The following PTPN5 variants were observed in gnomAD, a reference collection of about 807,000 sequenced individuals.
PTPN5 encodes the protein protein tyrosine phosphatase non-receptor type 5.
A neutral mutation model predicts 73.9 loss-of-function variants in PTPN5; 29 were observed. The observed-to-expected ratio is 0.39, with a 90% CI of 0.29 to 0.54. The LOEUF (loss-of-function observed/expected upper bound fraction) is 0.54. Among genes scored for constraint, PTPN5 ranks in the 20% least tolerant of loss-of-function variants. The probability of loss-of-function intolerance (pLI) is 0.65; values close to 1 mark genes in which losing one functional copy is unlikely to be tolerated. For synonymous variants in PTPN5, 267 were observed against 304.7 expected, an observed-to-expected ratio of 0.88 and a Z score of 1.29; for missense variants, 652 against 751.4, an observed-to-expected ratio of 0.87 and a Z score of 1.55.
At chr11:18,738,179 G>A (rs563184518) in intron 8 of PTPN5, among the ~76,000 whole-genome samples, 163 of 152,318 alleles carry the variant, frequency 1.1e-3, no homozygotes, top group Admixed American at 2.1e-3. Context: ...AATGACTATT[G>A]TTTATGGAGA....
chr11:18,765,755 A>T, intron 3 of PTPN5, 52 bp downstream of exon 3: 2 of 1,276,882 alleles, frequency 1.6e-6, no homozygotes, highest in Non-Finnish European at 2.2e-6. Flanking sequence ...CAGCCGGGGC[A>T]TTGTCTCTCC....
intron 3 of PTPN5, among the ~76,000 whole-genome samples, chr11:18,761,550 G>A (rs1417189807): frequency 6.6e-6 from 1 of 152,164 alleles, no homozygotes; most frequent in African/African-American, 2.4e-5. Flanking sequence ...GTGTGTGCAT[G>A]AGGGAGAAGA....
intron 1 of PTPN5, among the ~76,000 whole-genome samples, chr11:18,784,940 G>A (rs900437896): frequency 2.6e-5 from 4 of 152,150 alleles, no homozygotes; most frequent in Admixed American, 2.6e-4. Flanking sequence ...TGCAACCTCT[G>A]CCTCCTGGGT....
At chr11:18,758,973 C>T (rs900097144) in intron 3 of PTPN5, among the ~76,000 whole-genome samples, 1 of 152,078 alleles carries the variant, frequency 6.6e-6, no homozygotes, top group African/African-American at 2.4e-5. Flanking sequence ...ATCATTCTCC[C>T]CACCAACCCT....
chr11:18,782,235 T>TC (rs1851468348), intron 1 of PTPN5, among the ~76,000 whole-genome samples: 1 of 152,088 alleles, frequency 6.6e-6, no homozygotes, highest in African/African-American at 2.4e-5. Context: ...CTATGTCTTT[T>TC]TTTTTTTTTG....
intron 9 of PTPN5, among the ~76,000 whole-genome samples, chr11:18,736,211 G>C (rs1564889880): frequency 6.6e-6 from 1 of 152,228 alleles, no homozygotes; most frequent in African/African-American, 2.4e-5. Flanking sequence ...CGAAGCAGGC[G>C]AGGACAGCTT....
chr11:18,760,563 G>A (rs1253247117), intron 3 of PTPN5, among the ~76,000 whole-genome samples: 3 of 152,166 alleles, frequency 2.0e-5, no homozygotes, highest in African/African-American at 7.2e-5. Context: ...CAGCCCAAGA[G>A]GCCAGTTGTT....
chr11:18,764,972 A>G (rs923949925), intron 3 of PTPN5, among the ~76,000 whole-genome samples: 4 of 152,166 alleles, frequency 2.6e-5, no homozygotes, highest in Admixed American at 6.5e-5. Context: ...TTGGCCTCCC[A>G]AAGTGCTGGG....
chr11:18,754,199 G>A (rs565227769), intron 3 of PTPN5, among the ~76,000 whole-genome samples: 1 of 152,242 alleles, frequency 6.6e-6, no homozygotes, highest in Non-Finnish European at 1.5e-5. Flanking sequence ...CAAAACCACC[G>A]AGTTGGAAGT....
At chr11:18,782,206 C>T (rs181345792) in intron 1 of PTPN5, among the ~76,000 whole-genome samples, 15 of 151,790 alleles carry the variant, frequency 9.9e-5, no homozygotes, top group South Asian at 2.1e-4. Context: ...AACGTGACAA[C>T]GTGGATGGAT....
chr11:18,755,393 T>C (rs1850084350), intron 3 of PTPN5, among the ~76,000 whole-genome samples: 1 of 152,208 alleles, frequency 6.6e-6, no homozygotes, highest in Admixed American at 6.5e-5. Flanking sequence ...GGATAAGGAA[T>C]GTTGTTTTAA....
rs1390904513 is a variant in PTPN5 at position 18,729,596 on chromosome 11, G to A, written c.1491-30C>T. The A allele has an allele frequency of 2.5e-6, 4 of 1,570,590 alleles. No homozygotes were observed. Among genetic ancestry groups the A allele is most frequent in the Non-Finnish European group, 3.5e-6 (4 of 1,155,202 alleles). On this transcript the variant is annotated intron_variant, in intron 13 of 14. Coordinates refer to ENST00000358540, the MANE Select transcript of PTPN5 (RefSeq NM_006906.2). The surrounding 1 kb of genome is among the most constrained non-coding windows in gnomAD (Gnocchi z 5.2). ...GGGCCGAGGGGACCGGTGGGGTGAG[G>A]GGCAGGGCAGCCCAGCGGGTGGGGG...
In PTPN5 at chr11:18,733,556, C is replaced by G; in HGVS notation, c.1080G>C (p.Arg360=). 5 of 1,614,148 alleles carry G rather than the reference C, an allele frequency of 3.1e-6. No homozygotes were observed. Among genetic ancestry groups the G allele is most frequent in the Non-Finnish European group, 4.2e-6 (5 of 1,180,002 alleles). The change falls in exon 10 of 15, where the codon CGG becomes CGC. Residue 360 remains arginine (R), a splice_region_variant and synonymous_variant. Coordinates refer to ENST00000358540, the MANE Select transcript of PTPN5 (RefSeq NM_006906.2). This position sits in a 1 kb window ranked among gnomAD's most constrained non-coding sequence, Gnocchi z 4.3. The part of the protein sequence containing the change: ...LSSYINANYI[R]GYGGEEKVYI... ...AGGCCGTCAGGGTGGGAATACGTAC[C>G]CGGATGTAGTTGGCATTGATGTAGG...
At chr11:18,743,455 T>A in intron 4 of PTPN5, 26 bp from the exon 5 acceptor site, 2 of 1,601,814 alleles carry the variant, frequency 1.2e-6, no homozygotes, top group Non-Finnish European at 1.7e-6. Context: ...GCAGGCTGAG[T>A]ATGGAGCCGG....
chr11:18,782,697 T>C (rs538869117), intron 1 of PTPN5, among the ~76,000 whole-genome samples: 30 of 152,348 alleles, frequency 2.0e-4, no homozygotes, highest in South Asian at 8.3e-4. Flanking sequence ...GTGATGGTTA[T>C]ATGAGCTCAT....
intron 1 of PTPN5, among the ~76,000 whole-genome samples, chr11:18,778,820 G>GC (rs1001181869): frequency 6.6e-6 from 1 of 152,154 alleles, no homozygotes; most frequent in African/African-American, 2.4e-5. Flanking sequence ...TTATAGCAAT[G>GC]CAAGAACAGT....
At chr11:18,785,671 A>G (rs1214785545) in intron 1 of PTPN5, among the ~76,000 whole-genome samples, 1 of 152,158 alleles carries the variant, frequency 6.6e-6, no homozygotes, top group Non-Finnish European at 1.5e-5. Flanking sequence ...GAGGCCCACA[A>G]ATCCCTCCCG....
At chr11:18,784,369 C>T (rs1350788191) in intron 1 of PTPN5, among the ~76,000 whole-genome samples, 1 of 151,798 alleles carries the variant, frequency 6.6e-6, no homozygotes, top group South Asian at 2.1e-4. Context: ...CCCTTGAAAA[C>T]ATTAGGCTAA....
In PTPN5 at chr11:18,729,668, C is replaced by A; in HGVS notation, c.1480G>T (p.Val494Phe). The part of the protein sequence containing the change: ...QEGPHCAPII[V>F]HCSAGIGRTG... Reference sequence around the variant, plus strand: ...GCTGGGAGGACCCACCTGCAGTGGACGATGATGGGGGCACAGTGGGGCCCC... The same window carrying A: ...GCTGGGAGGACCCACCTGCAGTGGAAGATGATGGGGGCACAGTGGGGCCCC... Residue 494 changes from valine to phenylalanine, a missense_variant, in exon 13 of 15, where the codon GTC becomes TTC. By Grantham distance (50) the Val-to-Phe change is conservative. Around this residue, in one of 3 missense-constraint regions of PTPN5, gnomAD observed 102 missense variants for 160.5 expected, o/e 0.64. Coordinates refer to ENST00000358540, the MANE Select transcript of PTPN5 (RefSeq NM_006906.2). The surrounding 1 kb of genome is among the most constrained non-coding windows in gnomAD (Gnocchi z 5.2). 6.4e-7 allele frequency: 1 copy of A among 1,572,942 alleles called. No homozygotes were observed. The highest frequency in any genetic ancestry group is 8.6e-7 in the Non-Finnish European group (1 of 1,160,014).
Sources: allele counts gnomAD v4.1 joint callset (sites outside exome capture counted in the v4.1 genomes callset), GRCh38; gene constraint gnomAD v4.1.1; regional missense constraint gnomAD v4.1.1; non-coding constraint Gnocchi (gnomAD v3.1); transcripts MANE v1.5; gene names NCBI Gene and HGNC (gene_info 2026-07-23, HGNC 2026-07-21).